Variants in MOB2 observed in about 807,000 individuals in gnomAD.
The protein encoded by MOB2 is MOB2 Mps One Binder homolog.
A neutral mutation model predicts 27.4 loss-of-function variants in MOB2; 14 were observed. The observed-to-expected ratio is 0.51, with a 90% CI of 0.34 to 0.80. MOB2 has a LOEUF of 0.80. Among genes scored for constraint, MOB2 ranks in the 30% least tolerant of loss-of-function variants. The pLI is 0.01. For synonymous variants in MOB2, 167 were observed against 151.8 expected, an observed-to-expected ratio of 1.10 and a Z score of -0.74; for missense variants, 304 against 354.6, an observed-to-expected ratio of 0.86 and a Z score of 1.15.
At position 1,471,331 on chromosome 11, in the gene MOB2, G is replaced by C. The variant is rs762790044; in HGVS notation, c.454C>G (p.Leu152Val). Residue 152 changes from leucine to valine, a missense_variant, in exon 4 of 5, where the codon CTG becomes GTG. Coordinates refer to ENST00000329957, the MANE Select transcript of MOB2 (RefSeq NM_001172223.3). ...GGGAACACGTCCTCATCCGTCACCA[G>C]CTTCTGCACGGAGCTCATGACGAAG... ...VDFVMSSVQKLVTDEDVFPTK... is the reference protein window; with the variant it reads ...VDFVMSSVQKVVTDEDVFPTK... 3 of 1,613,542 alleles carry C rather than the reference G, an allele frequency of 1.9e-6. No individual in the cohort carries two copies. The Admixed American group carries it at 5.0e-5, about 27-fold the overall frequency.
rs1361848182 is a variant in MOB2, at chr11:1,470,228, C to A, written c.751G>T (p.Gly251Trp). The change falls in exon 5 of 5, where the codon GGG (glycine) becomes TGG (tryptophan). Residue 251 changes from glycine (G) to tryptophan (W), a missense_variant. Physicochemically the swap from Gly to Trp is radical, Grantham distance 184. Coordinates refer to ENST00000329957, the MANE Select transcript of MOB2 (RefSeq NM_001172223.3). Reference protein sequence around the residue: ...GAGGVHSGGSGDGAGSGGPGA... With the variant: ...GAGGVHSGGSWDGAGSGGPGA... ...GGGCCCCCGCTGCCGGCCCCATCCC[C>A]ACTGCCCCCACTGTGGACCCCGCCG... is the stretch of plus-strand genomic sequence containing the variant. The A allele has an allele frequency of 6.2e-7, 1 of 1,612,308 alleles. No individual in the cohort carries two copies. Among genetic ancestry groups the A allele is most frequent in the Non-Finnish European group, 8.5e-7 (1 of 1,179,802 alleles).
At chr11:1,483,213 C>T (rs531038481) in intron 1 of MOB2, among the ~76,000 whole-genome samples, 42 of 152,284 alleles carry the variant, frequency 2.8e-4, no homozygotes, top group African/African-American at 9.4e-4. Flanking sequence ...CGAGGCCCTG[C>T]GCCCTGCTCC....
intron 3 of MOB2, among the ~76,000 whole-genome samples, chr11:1,473,950 G>GA (rs1225877584): frequency 5.7e-5 from 8 of 141,072 alleles, no homozygotes; most frequent in Admixed American, 3.0e-4. Flanking sequence ...AGGCCCCTGG[G>GA]ATGCAGTCAC....
intron 3 of MOB2, among the ~76,000 whole-genome samples, chr11:1,476,946 C>T (rs1038982755): frequency 6.6e-6 from 1 of 152,086 alleles, no homozygotes; most frequent in Non-Finnish European, 1.5e-5. Context: ...AAACTTACTT[C>T]GTATGGTTTT....
chr11:1,486,348 A>G, intron 1 of MOB2, 99 bp downstream of exon 1: 1 of 901,102 alleles, frequency 1.1e-6, no homozygotes, highest in Non-Finnish European at 1.7e-6. Flanking sequence ...CCACGGACAC[A>G]GTCCGCCGCC....
chr11:1,482,733 T>C (rs1045462969), intron 1 of MOB2, among the ~76,000 whole-genome samples: 2 of 152,264 alleles, frequency 1.3e-5, no homozygotes, highest in Admixed American at 1.3e-4. Flanking sequence ...GGGTCACTCA[T>C]TCCCATGGGG....
rs1477742157 is a variant in MOB2 at position 1,474,770 on chromosome 11, G to C, written c.366-3351C>G. On this transcript the variant is annotated intron_variant, in intron 3 of 4. Coordinates refer to ENST00000329957, the MANE Select transcript of MOB2 (RefSeq NM_001172223.3). Reference sequence around the variant, plus strand: ...GACTCTCCGTCCACACGTTTGTGTGGGGCTATCTCTGGACTCTACTGTGTT... The same window carrying C: ...GACTCTCCGTCCACACGTTTGTGTGCGGCTATCTCTGGACTCTACTGTGTT... 3.9e-5 allele frequency among the ~76,000 whole-genome samples: 6 copies of C among 152,236 alleles called. No individual in the cohort carries two copies. In the East Asian group the frequency reaches 1.2e-3, roughly 29 times the overall value.
intron 1 of MOB2, among the ~76,000 whole-genome samples, chr11:1,485,830 G>T (rs909832251): frequency 3.9e-5 from 6 of 152,220 alleles, no homozygotes; most frequent in Middle Eastern, 3.2e-3. Flanking sequence ...GGGCAGGGAG[G>T]CACCCCCGCA....
rs763207189 is a variant in MOB2, at chr11:1,470,498, GCCA to G, written c.491-13_491-11del. The G allele has an allele frequency of 5.0e-6, 8 of 1,607,662 alleles. No homozygotes were observed. Among genetic ancestry groups the G allele is most frequent in the Admixed American group, 3.3e-5 (2 of 59,832 alleles). ...CTGGGGAATTCTCTGCCTGGGGAAG[GCCA>G]CCGTGTCACAAGCTGCAGACATCCC... On this transcript the variant is annotated splice_polypyrimidine_tract_variant and intron_variant, in intron 4 of 4. Coordinates refer to ENST00000329957, the MANE Select transcript of MOB2 (RefSeq NM_001172223.3).
intron 3 of MOB2, among the ~76,000 whole-genome samples, chr11:1,477,337 T>C (rs1405443305): frequency 6.6e-6 from 1 of 152,340 alleles, no homozygotes; most frequent in East Asian, 1.9e-4. Flanking sequence ...GGCACTGACA[T>C]AGCCACTTCC....
In MOB2 at chr11:1,470,161, G is replaced by T; in HGVS notation, c.*11C>A. On this transcript the variant is annotated 3_prime_UTR_variant, in exon 5 of 5. Coordinates refer to ENST00000329957, the MANE Select transcript of MOB2 (RefSeq NM_001172223.3). Reference sequence around the variant, plus strand: ...CTTTGCACACGTGTGCCCCTGTCCGGCCCGGGGGGCTCATCTCTCCTTCAC... The same window carrying T: ...CTTTGCACACGTGTGCCCCTGTCCGTCCCGGGGGGCTCATCTCTCCTTCAC... 1 of 1,583,230 alleles carries T rather than the reference G, an allele frequency of 6.3e-7. No homozygotes were observed. Among genetic ancestry groups the T allele is most frequent in the South Asian group, 1.1e-5 (1 of 88,178 alleles).
chr11:1,484,222 T>G (rs1847945885), intron 1 of MOB2, among the ~76,000 whole-genome samples: 1 of 152,078 alleles, frequency 6.6e-6, no homozygotes, highest in Admixed American at 6.6e-5. Flanking sequence ...GAGGTGGCCC[T>G]CATCTGGCAC....
chr11:1,480,695 G>T, intron 2 of MOB2, 30 bp downstream of exon 2: 1 of 1,593,602 alleles, frequency 6.3e-7, no homozygotes. Context: ...AGGGAGGAGG[G>T]AGGGGGCCCG....
At chr11:1,480,686 G>C in intron 2 of MOB2, 39 bp downstream of exon 2, 3 of 1,590,144 alleles carry the variant, frequency 1.9e-6, no homozygotes, top group East Asian at 4.6e-5. Context: ...AGGAGGAGCA[G>C]GGAGGAGGGA....
rs1289988562 is a variant in MOB2, at chr11:1,486,542, G to C, written c.15C>G (p.His5Gln). Residue 5 changes from histidine to glutamine, a missense_variant, in exon 1 of 5, where the codon CAC becomes CAG. Coordinates refer to ENST00000329957, the MANE Select transcript of MOB2 (RefSeq NM_001172223.3). ...GGGCTTGGTCTTCAGGGAGACTGCA[G>C]TGGTCTCCCAGCATGAGTGGGCGAC... Reference protein sequence around the residue: MLGDHCSLPEDQARP... With the variant: MLGDQCSLPEDQARP... 1 of 1,535,512 alleles carries C rather than the reference G, an allele frequency of 6.5e-7. No individual in the cohort carries two copies. Among genetic ancestry groups the C allele is most frequent in the East Asian group, 2.4e-5 (1 of 40,918 alleles).
chr11:1,480,744 G>C lies in MOB2; in HGVS notation c.252C>G (p.Asn84Lys). The C allele has an allele frequency of 6.2e-7, 1 of 1,606,868 alleles. No homozygotes were observed. The highest frequency in any genetic ancestry group is 8.5e-7 in the Non-Finnish European group (1 of 1,177,312). Reference protein sequence around the residue: ...LVVLPREIDLNEWLASNTTTF... With the variant: ...LVVLPREIDLKEWLASNTTTF... ...GCGCACTGTTGCTGGCCAGCCACTCGTTAAGGTCAATCTCGCGGGGCAGCA... is the reference window on the plus strand; with the variant it reads ...GCGCACTGTTGCTGGCCAGCCACTCCTTAAGGTCAATCTCGCGGGGCAGCA... The change falls in exon 2 of 5, where the codon AAC (asparagine) becomes AAG (lysine). Residue 84 changes from asparagine (N) to lysine (K), a missense_variant. Transcript: ENST00000329957.
intron 1 of MOB2, among the ~76,000 whole-genome samples, chr11:1,481,833 G>A (rs1306971948): frequency 1.3e-5 from 2 of 152,134 alleles, no homozygotes; most frequent in African/African-American, 4.8e-5. Flanking sequence ...CACAGGGCGT[G>A]GGGTCTGAGG....
chr11:1,471,901 C>T (rs1847796946), intron 3 of MOB2: 1 of 153,276 alleles, frequency 6.5e-6, no homozygotes, highest in African/African-American at 2.4e-5. Context: ...AAGCCCCTCT[C>T]CGGGGAAAGC....
At chr11:1,474,368 T>C (rs1847830379) in intron 3 of MOB2, among the ~76,000 whole-genome samples, 2 of 152,252 alleles carry the variant, frequency 1.3e-5, no homozygotes. Flanking sequence ...CTGGAGTTTG[T>C]CTTCTTTCTC....
Sources: allele counts gnomAD v4.1 joint callset (sites outside exome capture counted in the v4.1 genomes callset), GRCh38; gene constraint gnomAD v4.1.1; transcripts MANE v1.5; gene names NCBI Gene and HGNC (gene_info 2026-07-23, HGNC 2026-07-21).